NALF1: variants seen among roughly 807,000 people sequenced by gnomAD.
NALF1 encodes the protein NALCN channel auxiliary factor 1.
In NALF1, 3 loss-of-function variants were observed where a neutral mutation model predicts 48.4. The ratio of observed to expected loss-of-function variants is 0.06; its 90% CI spans 0.03 to 0.16. The LOEUF is 0.16. NALF1 is among the 10% of genes least tolerant of loss of function. The pLI is 1.00. For missense variants in NALF1, 526 were observed against 571.5 expected (o/e 0.92, Z 0.81); for synonymous variants, 262 against 245.7 (o/e 1.07, Z -0.62).
intron 1 of NALF1, among the ~76,000 whole-genome samples, chr13:107,610,196 G>A (rs1216008013): frequency 6.6e-6 from 1 of 152,140 alleles, no homozygotes; most frequent in Non-Finnish European, 1.5e-5. Context: ...ACAAGCACCT[G>A]GGCAGTATCT....
intron 1 of NALF1, among the ~76,000 whole-genome samples, chr13:107,774,567 C>A (rs1044279714): frequency 6.6e-6 from 1 of 152,136 alleles, no homozygotes; most frequent in Non-Finnish European, 1.5e-5. Context: ...AAATACATTT[C>A]TTACCTAACA....
chr13:107,344,029 C>CA (rs1882730516), intron 1 of NALF1, among the ~76,000 whole-genome samples: 1 of 150,578 alleles, frequency 6.6e-6, no homozygotes. Context: ...CAATTGGTGC[C>CA]AAAAAAGGAG....
chr13:107,530,031 C>A (rs1876575357), intron 1 of NALF1, among the ~76,000 whole-genome samples: 1 of 152,100 alleles, frequency 6.6e-6, no homozygotes, highest in Non-Finnish European at 1.5e-5. Context: ...GGTTCTATAG[C>A]TAACTCATGC....
At chr13:107,216,469 T>G (rs1879875239) in intron 1 of NALF1, among the ~76,000 whole-genome samples, 1 of 152,206 alleles carries the variant, frequency 6.6e-6, no homozygotes, top group South Asian at 2.1e-4. Flanking sequence ...GAAGTAAGCT[T>G]AAGGATGGGC....
At chr13:107,331,576 T>C (rs751091093) in intron 1 of NALF1, among the ~76,000 whole-genome samples, 1 of 152,202 alleles carries the variant, frequency 6.6e-6, no homozygotes, top group Non-Finnish European at 1.5e-5. Context: ...ACCAATCTAA[T>C]ACCTTGTAGA....
intron 1 of NALF1, among the ~76,000 whole-genome samples, chr13:107,278,695 T>C (rs1466313652): frequency 1.3e-5 from 2 of 152,244 alleles, no homozygotes; most frequent in Non-Finnish European, 1.5e-5. Flanking sequence ...TGTTTGTTTT[T>C]TTAAAAATCT....
chr13:107,456,687 G>C (rs1331797202), intron 1 of NALF1, among the ~76,000 whole-genome samples: 1 of 152,118 alleles, frequency 6.6e-6, no homozygotes, highest in Non-Finnish European at 1.5e-5. Flanking sequence ...TTTTATTTTA[G>C]AAAAATAAAT....
intron 1 of NALF1, among the ~76,000 whole-genome samples, chr13:107,562,406 A>T (rs900801213): frequency 2.0e-5 from 3 of 152,178 alleles, no homozygotes; most frequent in Non-Finnish European, 4.4e-5. Flanking sequence ...GGAAGATAGG[A>T]GATTGTAAGC....
At chr13:107,479,386 A>G (rs1885219376) in intron 1 of NALF1, among the ~76,000 whole-genome samples, 2 of 152,160 alleles carry the variant, frequency 1.3e-5, no homozygotes, top group East Asian at 1.9e-4. Flanking sequence ...AAAAATGCCA[A>G]TCTTATATTC....
At chr13:107,270,576 A>G (rs1881140623) in intron 1 of NALF1, among the ~76,000 whole-genome samples, 1 of 152,002 alleles carries the variant, frequency 6.6e-6, no homozygotes, top group Admixed American at 6.6e-5. Flanking sequence ...AAACTAAATT[A>G]TTTTGATTAC....
intron 1 of NALF1, among the ~76,000 whole-genome samples, chr13:107,599,733 A>G (rs888523163): frequency 3.9e-5 from 6 of 152,200 alleles, no homozygotes; most frequent in Non-Finnish European, 7.3e-5. Flanking sequence ...TTTAACTAGT[A>G]TAATGGGATA....
chr13:107,751,313 T>C (rs780265747), intron 1 of NALF1, among the ~76,000 whole-genome samples: 3 of 152,234 alleles, frequency 2.0e-5, no homozygotes, highest in African/African-American at 7.2e-5. Flanking sequence ...TATGGAAACC[T>C]TTCTGTGTTA....
intron 1 of NALF1, among the ~76,000 whole-genome samples, chr13:107,344,774 A>G (rs1444418000): frequency 2.0e-5 from 3 of 152,170 alleles, no homozygotes; most frequent in Non-Finnish European, 2.9e-5. Context: ...GGAGCAAGAC[A>G]AGAATGCCCA....
At chr13:107,859,634 G>A (rs898710284) in intron 1 of NALF1, among the ~76,000 whole-genome samples, 1 of 152,100 alleles carries the variant, frequency 6.6e-6, no homozygotes, top group African/African-American at 2.4e-5. Context: ...CGGGTGCGGT[G>A]GCTCATGCCT....
intron 1 of NALF1, among the ~76,000 whole-genome samples, chr13:107,538,240 A>G (rs1022490548): frequency 1.3e-5 from 2 of 152,006 alleles, no homozygotes; most frequent in African/African-American, 2.4e-5. Flanking sequence ...ATTTCTTTCT[A>G]TTTGTACAAT....
chr13:107,450,848 A>T (rs1177302513), intron 1 of NALF1, among the ~76,000 whole-genome samples: 1 of 152,224 alleles, frequency 6.6e-6, no homozygotes, highest in African/African-American at 2.4e-5. Flanking sequence ...TAAATATTTA[A>T]CTAATGGAAA....
chr13:107,354,144 A>G (rs1594133893), intron 1 of NALF1, among the ~76,000 whole-genome samples: 1 of 152,290 alleles, frequency 6.6e-6, no homozygotes, highest in East Asian at 1.9e-4. Flanking sequence ...TAACATAAAC[A>G]GCATTTTATT....
chr13:107,204,897 T>C (rs1021109004), intron 2 of NALF1, among the ~76,000 whole-genome samples: 3 of 143,098 alleles, frequency 2.1e-5, no homozygotes, highest in Admixed American at 1.5e-4. Flanking sequence ...AACATACGCA[T>C]ACGCAGGGGA....
At chr13:107,556,430 C>G (rs144698619) in intron 1 of NALF1, among the ~76,000 whole-genome samples, 18 of 151,750 alleles carry the variant, frequency 1.2e-4, no homozygotes, top group Admixed American at 9.2e-4. Context: ...CATTAAAACT[C>G]GAGAACTTGA....
Sources: gnomAD v4.1 joint callset for allele counts (sites outside exome capture counted in the v4.1 genomes callset) on GRCh38, gnomAD v4.1.1 for gene constraint, MANE v1.5 for transcripts, NCBI Gene and HGNC (gene_info 2026-07-23, HGNC 2026-07-21) for gene names.